The following TASOR variants were observed in gnomAD, a reference collection of about 807,000 sequenced individuals.
The protein encoded by TASOR is protein TASOR.
Under a neutral mutation model 178.6 loss-of-function variants are expected in TASOR, and 53 were observed. The ratio of observed to expected loss-of-function variants is 0.30; its 90% CI spans 0.24 to 0.37. The LOEUF (loss-of-function observed/expected upper bound fraction) is 0.37, where lower values mean the gene tolerates loss of function less well. Among genes scored for constraint, TASOR ranks in the 10% least tolerant of loss-of-function variants. TASOR has a pLI of 1.00. For missense variants in TASOR, 1,815 were observed against 1,971.4 expected (o/e 0.92, Z 1.50); for synonymous variants, 713 against 696.2 (o/e 1.02, Z -0.38).
intron 18 of TASOR, among the ~76,000 whole-genome samples, chr3:56,630,972 C>G (rs1363475037): frequency 6.6e-6 from 1 of 151,838 alleles, no homozygotes; most frequent in Admixed American, 6.6e-5. Context: ...CTAAGCACAC[C>G]GGGAACTGTG....
chr3:56,671,637 GAAAGTTC>G lies in TASOR; in HGVS notation c.526_532del (p.Glu176GlnfsTer7). 1 of 1,549,866 alleles carries G rather than the reference GAAAGTTC, an allele frequency of 6.5e-7. No homozygotes were observed. The highest frequency in any genetic ancestry group is 8.7e-7 in the Non-Finnish European group (1 of 1,146,106). ...AACCATCAGAAATGCATAGGATTCT[GAAAGTTC>G]CTTATCTAAACGACCATCAAACTTC... On this transcript the variant is annotated frameshift_variant, in exon 3 of 24. Transcript: ENST00000683822. LOFTEE classifies it high-confidence loss of function.
At chr3:56,657,006 G>A (rs545900915) in intron 11 of TASOR, among the ~76,000 whole-genome samples, 26 of 144,262 alleles carry the variant, frequency 1.8e-4, no homozygotes, top group South Asian at 1.1e-3. Context: ...GCGAAACACC[G>A]TCAAAAAAAA....
At chr3:56,658,251 T>C (rs2077514195) in intron 11 of TASOR, among the ~76,000 whole-genome samples, 1 of 152,144 alleles carries the variant, frequency 6.6e-6, no homozygotes, top group Non-Finnish European at 1.5e-5. Flanking sequence ...GATCTAGGAT[T>C]TTACTTTACT....
chr3:56,627,333 A>C (rs1208887902), intron 20 of TASOR, among the ~76,000 whole-genome samples, 188 bp from the exon 21 acceptor site: 2 of 152,220 alleles, frequency 1.3e-5, no homozygotes, highest in Non-Finnish European at 2.9e-5. Context: ...TCTACACATA[A>C]AAAAGAACAT....
intron 4 of TASOR, 66 bp downstream of exon 4, chr3:56,670,007 G>A (rs573089192): frequency 3.2e-5 from 36 of 1,109,350 alleles, no homozygotes; most frequent in South Asian, 9.2e-5. Context: ...GTGAAATTAC[G>A]AGACAATGTA....
At position 56,668,258 on chromosome 3, in the gene TASOR, A is replaced by T. The variant is rs575503301; in HGVS notation, c.897+139T>A. On this transcript the variant is annotated intron_variant, in intron 6 of 23. Coordinates refer to ENST00000683822, the MANE Select transcript of TASOR (RefSeq NM_001365635.2). The stretch of plus-strand genomic sequence containing the variant: ...CACTGAACAAACAGCAGCAACAGAC[A>T]CTGGAGTCTGGAAGTGATATGCAGA... The T allele has an allele frequency of 3.8e-3, 2,746 of 723,674 alleles. 112 individuals carry two copies. The South Asian group carries it at 0.051, about 14-fold the overall frequency. 44.8% of individuals were successfully genotyped at this position (723,674 alleles called of 1,614,324 possible). A position where few individuals can be genotyped will look rare whatever the true frequency, so the allele number is the denominator to read the frequency against.
At chr3:56,664,575 C>CAAA (rs1559846803) in intron 7 of TASOR, among the ~76,000 whole-genome samples, 1 of 152,106 alleles carries the variant, frequency 6.6e-6, no homozygotes, top group African/African-American at 2.4e-5. Context: ...GGAAAACTGA[C>CAAA]AAAGAGGTCA....
In TASOR at chr3:56,624,462, A is replaced by T; in HGVS notation, c.4483+17T>A. Reference sequence around the variant, plus strand: ...TTCTGTCTGCGTTAAAGAAAATGAAAACCACTGAAAAGTTACCTGACTGCG... The same window carrying T: ...TTCTGTCTGCGTTAAAGAAAATGAATACCACTGAAAAGTTACCTGACTGCG... On this transcript the variant is annotated intron_variant, in intron 23 of 23. Coordinates refer to ENST00000683822, the MANE Select transcript of TASOR (RefSeq NM_001365635.2). 3.1e-6 allele frequency: 5 copies of T among 1,604,248 alleles called. No individual in the cohort carries two copies. The highest frequency in any genetic ancestry group is 4.3e-6 in the Non-Finnish European group (5 of 1,176,342).
intron 1 of TASOR, among the ~76,000 whole-genome samples, chr3:56,675,241 T>C (rs80051904): frequency 0.18 from 27,903 of 151,362 alleles, 3,389 homozygotes; most frequent in South Asian, 0.4. Flanking sequence ...GTGGCACGAT[T>C]TTGGTTCACT....
intron 14 of TASOR, 85 bp downstream of exon 14, chr3:56,646,437 G>A: frequency 8.9e-7 from 1 of 1,128,954 alleles, no homozygotes. Flanking sequence ...TTGACCCTCA[G>A]GCTTTAATTT....
At chr3:56,649,932 T>C (rs1240877759) in intron 11 of TASOR, among the ~76,000 whole-genome samples, 1 of 152,306 alleles carries the variant, frequency 6.6e-6, no homozygotes, top group East Asian at 1.9e-4. Context: ...AAGTCGGGAA[T>C]GAAAGATCAT....
chr3:56,625,320 G>A (rs1289377432), intron 21 of TASOR, among the ~76,000 whole-genome samples: 1 of 152,156 alleles, frequency 6.6e-6, no homozygotes, highest in Non-Finnish European at 1.5e-5. Context: ...AGGACTTAAA[G>A]GGACAAAAAC....
Position 56,683,086 on chromosome 3 carries a change from CG to C in TASOR, c.-81del. On this transcript the variant is annotated 5_prime_UTR_variant, in exon 1 of 24. Coordinates refer to ENST00000683822, the MANE Select transcript of TASOR (RefSeq NM_001365635.2). ...GGGGGAAGGGGCGGCGGGCCAGTCTCGCCGCCGAGCTGCTCTCAGCCCACCC... is the reference window on the plus strand; with the variant it reads ...GGGGGAAGGGGCGGCGGGCCAGTCTCCCGCCGAGCTGCTCTCAGCCCACCC... 1 of 1,395,050 alleles carries C rather than the reference CG, an allele frequency of 7.2e-7. No individual in the cohort carries two copies. The highest frequency in any genetic ancestry group is 9.5e-7 in the Non-Finnish European group (1 of 1,056,852). The allele number at this position is 1,395,050 out of a possible 1,614,324, so 86.4% of individuals were successfully genotyped here.
intron 7 of TASOR, chr3:56,663,784 C>T: frequency 9.8e-7 from 1 of 1,021,168 alleles, no homozygotes. Context: ...CAAATTACCA[C>T]ATTTACCCAA....
intron 16 of TASOR, among the ~76,000 whole-genome samples, chr3:56,639,172 C>G (rs185411087): frequency 6.6e-6 from 1 of 152,266 alleles, no homozygotes; most frequent in Admixed American, 6.5e-5. Context: ...TTCTCAGAGT[C>G]CTCGGAAGTC....
intron 17 of TASOR, 92 bp from the exon 18 acceptor site, chr3:56,634,058 A>G (rs527837175): frequency 1.0e-6 from 1 of 992,466 alleles, no homozygotes; most frequent in South Asian, 1.8e-5. Flanking sequence ...AAGGGTTAAC[A>G]CACATTTAGA....
In TASOR at chr3:56,668,572, A is replaced by T; in HGVS notation, c.736-14T>A. 1 of 1,523,598 alleles carries T rather than the reference A, an allele frequency of 6.6e-7. No individual in the cohort carries two copies. The highest frequency in any genetic ancestry group is 8.8e-7 in the Non-Finnish European group (1 of 1,132,534). 94.4% of individuals were successfully genotyped at this position (1,523,598 alleles called of 1,614,324 possible). ...CTTTATTTTACCCTAAAATAGAGAAAACCTTTTAAGTGTCTACCTAAACCT... is the reference window on the plus strand; with the variant it reads ...CTTTATTTTACCCTAAAATAGAGAATACCTTTTAAGTGTCTACCTAAACCT... On this transcript the variant is annotated splice_polypyrimidine_tract_variant and intron_variant, in intron 5 of 23. Transcript: ENST00000683822.
chr3:56,632,033 A>G (rs2076926313), intron 18 of TASOR, among the ~76,000 whole-genome samples: 1 of 152,192 alleles, frequency 6.6e-6, no homozygotes, highest in East Asian at 1.9e-4. Flanking sequence ...GGAATGTTAC[A>G]TGGCTAGGGT....
At position 56,666,246 on chromosome 3, in the gene TASOR, C is replaced by CAGGA; in HGVS notation, c.1022+13_1022+14insTCCT. ...TTATCACTGCGGATGATGTCTAAAA[C>CAGGA]TCCTAAGTCTTACCTTGATGAAGGT... On this transcript the variant is annotated intron_variant, in intron 7 of 23. Coordinates refer to ENST00000683822, the MANE Select transcript of TASOR (RefSeq NM_001365635.2). 6.5e-7 allele frequency: 1 copy of CAGGA among 1,527,022 alleles called. No homozygotes were observed. The highest frequency in any genetic ancestry group is 8.8e-7 in the Non-Finnish European group (1 of 1,137,440). 94.6% of individuals were successfully genotyped at this position (1,527,022 alleles called of 1,614,324 possible). A position where few individuals can be genotyped will look rare whatever the true frequency, so the allele number is the denominator to read the frequency against.
Sources: allele counts gnomAD v4.1 joint callset (sites outside exome capture counted in the v4.1 genomes callset), GRCh38; gene constraint gnomAD v4.1.1; transcripts MANE v1.5; gene names NCBI Gene and HGNC (gene_info 2026-07-23, HGNC 2026-07-21).